FBXL7: variants seen among roughly 807,000 people sequenced by gnomAD.
FBXL7 encodes the protein F-box and leucine rich repeat protein 7.
In FBXL7, 12 loss-of-function variants were observed where a neutral mutation model predicts 38.3. The observed-to-expected ratio is 0.31, with a 90% CI of 0.20 to 0.51. FBXL7 has a LOEUF of 0.51. Ranked by LOEUF, FBXL7 falls within the 20% of genes least tolerant of loss-of-function variation. The pLI is 0.98. For synonymous variants in FBXL7, 297 were observed against 300.9 expected (o/e 0.99, Z 0.13); for missense variants, 567 against 676.4 (o/e 0.84, Z 1.79).
chr5:15,839,791 T>A (rs1738694507), intron 2 of FBXL7, among the ~76,000 whole-genome samples: 1 of 152,106 alleles, frequency 6.6e-6, no homozygotes. Context: ...CTCCTACCTC[T>A]CCTCCCTGTC....
At chr5:15,903,396 G>A (rs1741279292) in intron 2 of FBXL7, among the ~76,000 whole-genome samples, 1 of 152,084 alleles carries the variant, frequency 6.6e-6, no homozygotes, top group Admixed American at 6.6e-5. Context: ...GCATTGACAT[G>A]GTTTTGTTGT....
intron 2 of FBXL7, among the ~76,000 whole-genome samples, chr5:15,672,968 A>G (rs374951205): frequency 3.3e-5 from 5 of 152,176 alleles, no homozygotes; most frequent in East Asian, 3.9e-4. Flanking sequence ...GTTCCACCAG[A>G]TTTTCCAGAT....
intron 1 of FBXL7, among the ~76,000 whole-genome samples, chr5:15,530,160 G>A (rs1737378220): frequency 6.6e-6 from 1 of 152,182 alleles, no homozygotes; most frequent in Admixed American, 6.5e-5. Context: ...TTGAACTAAT[G>A]TCAACAATTC....
At chr5:15,588,450 G>C (rs1835132) in intron 1 of FBXL7, among the ~76,000 whole-genome samples, 79 of 149,942 alleles carry the variant, frequency 5.3e-4, no homozygotes, top group Admixed American at 1.1e-3. Flanking sequence ...GCAGTGGCAC[G>C]ATCTCGGGTC....
chr5:15,597,851 T>C (rs764696029), intron 1 of FBXL7, among the ~76,000 whole-genome samples: 1 of 152,234 alleles, frequency 6.6e-6, no homozygotes, highest in Non-Finnish European at 1.5e-5. Context: ...CTGGACTATT[T>C]GATCTATTCT....
intron 1 of FBXL7, among the ~76,000 whole-genome samples, chr5:15,606,103 T>C (rs1740003163): frequency 6.6e-6 from 1 of 152,210 alleles, no homozygotes; most frequent in African/African-American, 2.4e-5. Flanking sequence ...GGCATGGTTA[T>C]TCTTATGAAG....
At chr5:15,544,788 T>C (rs1309222676) in intron 1 of FBXL7, among the ~76,000 whole-genome samples, 1 of 152,180 alleles carries the variant, frequency 6.6e-6, no homozygotes. Context: ...CATGGAATAG[T>C]ATCCTGTTGA....
At chr5:15,665,046 C>G (rs535497666) in intron 2 of FBXL7, among the ~76,000 whole-genome samples, 1 of 152,250 alleles carries the variant, frequency 6.6e-6, no homozygotes, top group Non-Finnish European at 1.5e-5. Flanking sequence ...TGTCATTCCT[C>G]TCTTTTTTCT....
intron 1 of FBXL7, among the ~76,000 whole-genome samples, chr5:15,611,839 T>C (rs1169974974): frequency 6.7e-6 from 1 of 149,436 alleles, no homozygotes; most frequent in Admixed American, 6.7e-5. Context: ...AAAAAAATGC[T>C]GGGTATGGTG....
In FBXL7 at chr5:15,937,329, C is replaced by T; in HGVS notation, c.*143C>T. The T allele has an allele frequency of 9.3e-7, 1 of 1,073,904 alleles. No individual in the cohort carries two copies. Among genetic ancestry groups the T allele is most frequent in the Non-Finnish European group, 1.3e-6 (1 of 774,832 alleles). 66.5% of individuals were successfully genotyped at this position (1,073,904 alleles called of 1,614,324 possible). On this transcript the variant is annotated 3_prime_UTR_variant, in exon 4 of 4. Transcript: ENST00000504595. ...TATTAGGAATCTGGCCTTTATTTTT[C>T]CTCATTTCTCATGGGCAACAGAGGC... is the stretch of plus-strand genomic sequence containing the variant.
intron 2 of FBXL7, among the ~76,000 whole-genome samples, chr5:15,732,473 TA>T (rs1735616327): frequency 6.6e-6 from 1 of 152,242 alleles, no homozygotes; most frequent in Non-Finnish European, 1.5e-5. Flanking sequence ...CTCTTTTATT[TA>T]TATTGTCATT....
intron 2 of FBXL7, among the ~76,000 whole-genome samples, chr5:15,904,983 G>T (rs530318223): frequency 2.0e-5 from 3 of 152,182 alleles, no homozygotes; most frequent in Admixed American, 6.5e-5. Context: ...CCTTGAATTC[G>T]CTTAAACAGG....
At chr5:15,820,766 C>T (rs1738147837) in intron 2 of FBXL7, among the ~76,000 whole-genome samples, 1 of 152,106 alleles carries the variant, frequency 6.6e-6, no homozygotes, top group Admixed American at 6.6e-5. Context: ...AGAATGAATA[C>T]CACGGTTCTG....
At chr5:15,868,726 C>T (rs1227953149) in intron 2 of FBXL7, among the ~76,000 whole-genome samples, 1 of 152,170 alleles carries the variant, frequency 6.6e-6, no homozygotes, top group Non-Finnish European at 1.5e-5. Flanking sequence ...GTCTACATGA[C>T]ACAATCTCAC....
intron 1 of FBXL7, among the ~76,000 whole-genome samples, chr5:15,500,936 GTTTGTC>G (rs1736471326): frequency 6.6e-6 from 1 of 152,184 alleles, no homozygotes; most frequent in Non-Finnish European, 1.5e-5. Context: ...CAACTTCCCA[GTTTGTC>G]TTTGGGAAGG....
intron 1 of FBXL7, among the ~76,000 whole-genome samples, chr5:15,546,613 T>C (rs550169405): frequency 1.3e-5 from 2 of 150,462 alleles, no homozygotes. Context: ...CACCTGTAAT[T>C]CCAGCTACTT....
chr5:15,550,745 A>G (rs1368862983), intron 1 of FBXL7, among the ~76,000 whole-genome samples: 1 of 152,220 alleles, frequency 6.6e-6, no homozygotes, highest in Non-Finnish European at 1.5e-5. Flanking sequence ...AGTTCTCCCA[A>G]ACTCTTGGCT....
intron 2 of FBXL7, among the ~76,000 whole-genome samples, chr5:15,807,465 C>G (rs1390418463): frequency 2.0e-5 from 3 of 152,040 alleles, no homozygotes; most frequent in Non-Finnish European, 4.4e-5. Flanking sequence ...TGTGGAGAAG[C>G]CAGAAGCCAT....
chr5:15,817,736 C>T (rs1045626017), intron 2 of FBXL7, among the ~76,000 whole-genome samples: 1 of 152,188 alleles, frequency 6.6e-6, no homozygotes, highest in Admixed American at 6.5e-5. Flanking sequence ...CTTTGCACCT[C>T]CTTCACCTTT....
Sources: allele counts gnomAD v4.1 joint callset (sites outside exome capture counted in the v4.1 genomes callset), GRCh38; gene constraint gnomAD v4.1.1; transcripts MANE v1.5; gene names NCBI Gene and HGNC (gene_info 2026-07-23, HGNC 2026-07-21).